The following EPB41L1 variants were observed in gnomAD, a reference collection of about 807,000 sequenced individuals.
EPB41L1 encodes band 4.1-like protein 1.
EPB41L1 carries 29 observed loss-of-function variants against 97.8 expected under a neutral mutation model. The observed-to-expected ratio is 0.30, with a 90% CI of 0.22 to 0.40. The LOEUF is 0.40. EPB41L1 is among the 10% of genes least tolerant of loss of function. The pLI is 1.00. For synonymous variants in EPB41L1, 383 were observed against 459.2 expected (o/e 0.83, Z 2.12); for missense variants, 812 against 1,162.3 (o/e 0.70, Z 4.38).
At chr20:36,180,305 CT>C (rs1295774933) in intron 5 of EPB41L1, among the ~76,000 whole-genome samples, 1 of 152,174 alleles carries the variant, frequency 6.6e-6, no homozygotes, top group Non-Finnish European at 1.5e-5. Context: ...CCCATTGGTC[CT>C]TGTGGCCTGA....
intron 2 of EPB41L1, among the ~76,000 whole-genome samples, chr20:36,139,055 G>C (rs950942125): frequency 1.2e-4 from 18 of 152,208 alleles, no homozygotes; most frequent in African/African-American, 3.9e-4. Context: ...CTGTCTCCCA[G>C]TGACTGACAG....
At chr20:36,171,271 C>T (rs1039066814) in intron 1 of EPB41L1, among the ~76,000 whole-genome samples, 1 of 152,100 alleles carries the variant, frequency 6.6e-6, no homozygotes, top group African/African-American at 2.4e-5. Flanking sequence ...GCACCGGTAT[C>T]ATTTGGACCC....
At chr20:36,219,665 A>G in intron 18 of EPB41L1, 96 bp from the exon 19 acceptor site, 1 of 1,001,788 alleles carries the variant, frequency 1.0e-6, no homozygotes, top group Non-Finnish European at 1.6e-6. Context: ...TCGAAACGTC[A>G]CCTTCACAGA....
intron 7 of EPB41L1, among the ~76,000 whole-genome samples, chr20:36,186,486 T>C (rs1421143551): frequency 6.6e-6 from 1 of 151,984 alleles, no homozygotes; most frequent in Non-Finnish European, 1.5e-5. Flanking sequence ...TGCTGGGGTG[T>C]GATGAATGCT....
chr20:36,182,772 T>C (rs1415425392), intron 6 of EPB41L1, among the ~76,000 whole-genome samples: 1 of 152,182 alleles, frequency 6.6e-6, no homozygotes, highest in Admixed American at 6.5e-5. Flanking sequence ...GCATGGGCCA[T>C]CTCTGGGTGG....
intron 13 of EPB41L1, 62 bp from the exon 14 acceptor site, chr20:36,197,797 C>T (rs768088668): frequency 2.2e-5 from 35 of 1,613,382 alleles, no homozygotes; most frequent in Non-Finnish European, 2.8e-5. Context: ...ATCATCCCTG[C>T]ACCCTGCATC....
At chr20:36,163,129 GT>G (rs11347137) in intron 1 of EPB41L1, among the ~76,000 whole-genome samples, 35,288 of 140,874 alleles carry the variant, frequency 0.25, 4,329 homozygotes, top group Middle Eastern at 0.38. Flanking sequence ...CACTCTTTCT[GT>G]TTTTTTTTTT....
intron 3 of EPB41L1, among the ~76,000 whole-genome samples, chr20:36,177,279 A>G (rs1255707369): frequency 1.3e-5 from 2 of 152,164 alleles, no homozygotes; most frequent in Non-Finnish European, 2.9e-5. Context: ...TGGAGTGCCC[A>G]GTCGGGTTCT....
At chr20:36,200,299 C>T (rs535490371) in intron 14 of EPB41L1, among the ~76,000 whole-genome samples, 1 of 152,286 alleles carries the variant, frequency 6.6e-6, no homozygotes, top group East Asian at 1.9e-4. Context: ...GCTGGGCAGT[C>T]ATGGGGCTGT....
At position 36,190,471 on chromosome 20, in the gene EPB41L1, C is replaced by A. The variant is rs548099121; in HGVS notation, c.1124+97C>A. On this transcript the variant is annotated intron_variant, in intron 10 of 21. Transcript: ENST00000338074. The surrounding 1 kb of genome is among the most constrained non-coding windows in gnomAD (Gnocchi z 5.8). Reference sequence around the variant, plus strand: ...AGTTAGTGAGAACTCTAGGAAAGTCCTCCACCCTTTCCCCAAGTCCCTCCC... The same window carrying A: ...AGTTAGTGAGAACTCTAGGAAAGTCATCCACCCTTTCCCCAAGTCCCTCCC... 31 of 1,518,432 alleles carry A rather than the reference C, an allele frequency of 2.0e-5. No individual in the cohort carries two copies. The highest frequency in any genetic ancestry group is 4.1e-5 in the African/African-American group (3 of 73,172). The allele number at this position is 1,518,432 out of a possible 1,614,324, so 94.1% of individuals were successfully genotyped here.
intron 1 of EPB41L1, among the ~76,000 whole-genome samples, chr20:36,111,786 CAAAA>C (rs397731410): frequency 3.3e-5 from 3 of 90,218 alleles, no homozygotes; most frequent in Non-Finnish European, 4.9e-5. Flanking sequence ...GACTCTGTCT[CAAAA>C]AAAAAAAAAA....
At position 36,194,610 on chromosome 20, in the gene EPB41L1, C is replaced by A. The variant is rs1204552598; in HGVS notation, c.1449+250C>A. ...GCTTTGCCCTGCTTTTCCAGAGGGG[C>A]ACTCTGTCCCCTAGAGGACTCAGGC... On this transcript the variant is annotated intron_variant, in intron 12 of 21. Transcript: ENST00000338074. Among the ~76,000 whole-genome samples the A allele has an allele frequency of 2.6e-5, 4 of 152,170 alleles. No homozygotes were observed. In the South Asian group the frequency reaches 6.2e-4, roughly 24 times the overall value.
chr20:36,201,443 T>C (rs1312388760), intron 14 of EPB41L1, among the ~76,000 whole-genome samples: 1 of 152,188 alleles, frequency 6.6e-6, no homozygotes, highest in Non-Finnish European at 1.5e-5. Flanking sequence ...TCAGGGGTCA[T>C]GGCACCCAAA....
intron 18 of EPB41L1, 68 bp from the exon 19 acceptor site, chr20:36,219,693 G>A (rs946192316): frequency 6.2e-6 from 6 of 974,210 alleles, no homozygotes; most frequent in African/African-American, 1.6e-5. Flanking sequence ...ACCCCACCCC[G>A]CCCTCACCCC....
rs13041394 is a variant in EPB41L1, at chr20:36,197,995, C to T, written c.1622C>T (p.Ser541Phe). 6.2e-7 allele frequency: 1 copy of T among 1,613,388 alleles called. No individual in the cohort carries two copies. Among genetic ancestry groups the T allele is most frequent in the East Asian group, 2.2e-5 (1 of 44,860 alleles). The stretch of plus-strand genomic sequence containing the variant: ...GAACGGGAGCGCAGGCTGCCCTCCT[C>T]CCCCGCCTCCCCCTCCCCCAAGGGC... ...DWERERRLPSSPASPSPKGTP... is the reference protein window; with the variant it reads ...DWERERRLPSFPASPSPKGTP... Residue 541 changes from serine to phenylalanine, a missense_variant, in exon 14 of 22, where the codon TCC becomes TTC. Around this residue, in one of 3 missense-constraint regions of EPB41L1, gnomAD observed 498 missense variants for 622.7 expected, o/e 0.80. Coordinates refer to ENST00000338074, the MANE Select transcript of EPB41L1 (RefSeq NM_012156.2).
At chr20:36,214,516 C>T (rs1030345839) in intron 17 of EPB41L1, 76 bp downstream of exon 17, 46 of 1,228,850 alleles carry the variant, frequency 3.7e-5, no homozygotes, top group South Asian at 6.4e-5. Flanking sequence ...AAGCTAACAT[C>T]GCCTGGCTGC....
chr20:36,145,354 C>T (rs1355644977), intron 2 of EPB41L1, among the ~76,000 whole-genome samples: 2 of 150,236 alleles, frequency 1.3e-5, no homozygotes, highest in East Asian at 3.9e-4. Context: ...TGCGATCACA[C>T]CACTGCACTC....
chr20:36,165,133 C>A (rs930218572), intron 1 of EPB41L1, among the ~76,000 whole-genome samples: 3 of 152,104 alleles, frequency 2.0e-5, no homozygotes, highest in Non-Finnish European at 1.5e-5. Flanking sequence ...AGGCACGCAC[C>A]ACCACACTTG....
At chr20:36,210,588 C>A (rs1272759015) in intron 15 of EPB41L1, among the ~76,000 whole-genome samples, 1 of 152,164 alleles carries the variant, frequency 6.6e-6, no homozygotes, top group Non-Finnish European at 1.5e-5. Flanking sequence ...TCTGGGCTCT[C>A]ACTTCATGCT....
Sources: gnomAD v4.1 joint callset for allele counts (sites outside exome capture counted in the v4.1 genomes callset) on GRCh38, gnomAD v4.1.1 for gene constraint, gnomAD v4.1.1 regional missense constraint, Gnocchi (gnomAD v3.1) non-coding constraint, MANE v1.5 for transcripts, NCBI Gene and HGNC (gene_info 2026-07-23, HGNC 2026-07-21) for gene names.